Variants in HS6ST2 observed in about 807,000 individuals in gnomAD.
HS6ST2 encodes the protein heparan sulfate 6-O-sulfotransferase 2, also known as heparan-sulfate 6-O-sulfotransferase 2.
A neutral mutation model predicts 33.0 loss-of-function variants in HS6ST2; 17 were observed. That is an observed-to-expected ratio of 0.52 (90% CI 0.35 to 0.77). The LOEUF is 0.77. Ranked by LOEUF, HS6ST2 falls within the 30% of genes least tolerant of loss-of-function variation. The pLI is 0.01. For missense variants in HS6ST2, 519 were observed against 551.7 expected (o/e 0.94, Z 0.59); for synonymous variants, 248 against 237.1 (o/e 1.05, Z -0.42).
intron 2 of HS6ST2, among the ~76,000 whole-genome samples, chrX:132,778,427 TCTCA>T (rs1182894230): frequency 2.7e-5 from 3 of 111,306 alleles, no homozygotes; most frequent in Non-Finnish European, 5.6e-5. Context: ...TGAGATGGAG[TCTCA>T]CTCTGTTGCA....
intron 2 of HS6ST2, among the ~76,000 whole-genome samples, chrX:132,814,524 C>G (rs1285974945): frequency 1.8e-5 from 2 of 110,997 alleles, no homozygotes; most frequent in African/African-American, 6.6e-5. Context: ...TTTTGTTTTT[C>G]TTTTTCTTAG....
At position 132,628,883 on chromosome X, in the gene HS6ST2, G is replaced by C; in HGVS notation, c.1278C>G (p.Ala426=). ...KEFMDCPYNL[A]NNRQVRMLSD... ...AGAGCATGCGCACCTGGCGGTTGTTGGCTAGATTGTAGGGACAGTCCATAA... is the reference window on the plus strand; with the variant it reads ...AGAGCATGCGCACCTGGCGGTTGTTCGCTAGATTGTAGGGACAGTCCATAA... The change falls in exon 5 of 5, where the codon GCC becomes GCG. Residue 426 remains alanine (A), a synonymous_variant. Coordinates refer to ENST00000370833, the MANE Select transcript of HS6ST2 (RefSeq NM_001394073.1). The C allele has an allele frequency of 8.3e-7, 1 of 1,211,735 alleles. No individual in the cohort carries two copies. The highest frequency in any genetic ancestry group is 1.8e-5 in the South Asian group (1 of 56,973).
rs766319802 is a variant in HS6ST2 at position 132,742,120 on chromosome X, T to C, written c.948-33626A>G. 7.1e-5 allele frequency among the ~76,000 whole-genome samples: 8 copies of C among 111,953 alleles called. No homozygotes were observed. In the South Asian group the frequency reaches 3.0e-3, roughly 42 times the overall value. On this transcript the variant is annotated intron_variant, in intron 2 of 4. Transcript: ENST00000370833. ...AGTGCTGAGATGAAAAGGTCTTGTA[T>C]GGTCAGCCAGTGTGTGGAACCAGGC...
chrX:132,750,981 A>G (rs974990159), intron 2 of HS6ST2, among the ~76,000 whole-genome samples: 1 of 112,509 alleles, frequency 8.9e-6, no homozygotes, highest in Non-Finnish European at 1.9e-5. Context: ...TAACCAGGGG[A>G]TGAGGTGCAG....
rs764280543 is a variant in HS6ST2 at position 132,684,224 on chromosome X, CATAT to C, written c.981-15029_981-15026del. Among the ~76,000 whole-genome samples the C allele has an allele frequency of 6.8e-4, 64 of 94,500 alleles. 1 individual carries two copies. Among genetic ancestry groups the C allele is most frequent in the African/African-American group, 2.4e-3 (62 of 25,974 alleles). 82.1% of individuals were successfully genotyped at this position (94,500 alleles called of 115,157 possible). A position where few individuals can be genotyped will look rare whatever the true frequency, so the allele number is the denominator to read the frequency against. The stretch of plus-strand genomic sequence containing the variant: ...TCCACAGGACAGTGTCATATATATA[CATAT>C]ATATATATATATATACACACACACA... On this transcript the variant is annotated intron_variant, in intron 3 of 4. Transcript: ENST00000370833.
chrX:132,930,624 C>T (rs1316029656), intron 2 of HS6ST2, among the ~76,000 whole-genome samples: 2 of 111,159 alleles, frequency 1.8e-5, no homozygotes, highest in South Asian at 3.9e-4. Flanking sequence ...CTCCCCAAAC[C>T]TGAGACACCA....
intron 2 of HS6ST2, among the ~76,000 whole-genome samples, chrX:132,951,199 TA>T (rs1214773227): frequency 9.0e-6 from 1 of 111,285 alleles, no homozygotes; most frequent in Admixed American, 9.5e-5. Context: ...GACCTTTATT[TA>T]CTTTCATGGT....
intron 2 of HS6ST2, among the ~76,000 whole-genome samples, chrX:132,771,549 A>G (rs1214416221): frequency 8.9e-6 from 1 of 111,745 alleles, no homozygotes; most frequent in East Asian, 2.8e-4. Context: ...TGTTCGGCAT[A>G]TAACTTTAGA....
intron 2 of HS6ST2, among the ~76,000 whole-genome samples, chrX:132,879,278 C>A (rs976398127): frequency 9.0e-6 from 1 of 111,364 alleles, no homozygotes; most frequent in African/African-American, 3.3e-5. Context: ...CTAAGGTGTG[C>A]TAAGGTGAGC....
At chrX:132,808,145 T>A (rs2065303147) in intron 2 of HS6ST2, among the ~76,000 whole-genome samples, 1 of 111,222 alleles carries the variant, frequency 9.0e-6, no homozygotes, top group Non-Finnish European at 1.9e-5. Flanking sequence ...AATCACTATC[T>A]GAATAAGACA....
At chrX:132,638,162 A>T (rs1457515462) in intron 4 of HS6ST2, among the ~76,000 whole-genome samples, 2 of 104,322 alleles carry the variant, frequency 1.9e-5, no homozygotes, top group Non-Finnish European at 3.9e-5. Context: ...AACCACATGG[A>T]TCCTCCCATT....
intron 4 of HS6ST2, among the ~76,000 whole-genome samples, chrX:132,650,139 T>G (rs1366112331): frequency 9.0e-6 from 1 of 111,626 alleles, no homozygotes; most frequent in Non-Finnish European, 1.9e-5. Flanking sequence ...GACATGAATA[T>G]ACATGATAAA....
At chrX:132,914,788 C>A (rs2066568553) in intron 2 of HS6ST2, among the ~76,000 whole-genome samples, 1 of 112,206 alleles carries the variant, frequency 8.9e-6, no homozygotes, top group Non-Finnish European at 1.9e-5. Context: ...CTGAGCTGGG[C>A]TTGCTCTCTC....
chrX:132,720,931 G>A (rs765784118), intron 2 of HS6ST2, among the ~76,000 whole-genome samples: 4 of 111,329 alleles, frequency 3.6e-5, no homozygotes, highest in Non-Finnish European at 7.5e-5. Context: ...GATATATAAA[G>A]CAAATACCAT....
intron 2 of HS6ST2, among the ~76,000 whole-genome samples, chrX:132,927,045 A>C (rs1209862739): frequency 9.0e-6 from 1 of 111,444 alleles, no homozygotes; most frequent in Non-Finnish European, 1.9e-5. Context: ...AGTCTCCCCA[A>C]ATTCCACATG....
chrX:132,817,696 T>C (rs190681341), intron 2 of HS6ST2, among the ~76,000 whole-genome samples: 149 of 111,511 alleles, frequency 1.3e-3, no homozygotes, highest in Admixed American at 4.4e-3. Flanking sequence ...GCTGGAGATA[T>C]GCAAGTAAAT....
chrX:132,725,519 T>G (rs2064383577), intron 2 of HS6ST2, among the ~76,000 whole-genome samples: 1 of 112,141 alleles, frequency 8.9e-6, no homozygotes, highest in Non-Finnish European at 1.9e-5. Flanking sequence ...TAACAAATGC[T>G]GGCAAGAATG....
chrX:132,637,852 TATATATATAATATATTATATATAATA>T (rs1438751352), intron 4 of HS6ST2, among the ~76,000 whole-genome samples: 2 of 39,164 alleles, frequency 5.1e-5, no homozygotes, highest in African/African-American at 9.0e-4. Context: ...TTATATATAA[TATATATATAATATATTATATATAATA>T]TATATATAAT....
At chrX:132,837,347 G>A (rs2065654410) in intron 2 of HS6ST2, among the ~76,000 whole-genome samples, 2 of 110,573 alleles carry the variant, frequency 1.8e-5, no homozygotes, top group Admixed American at 9.7e-5. Context: ...GTGTGTGTGT[G>A]TGTGTGTGTG....
Sources: allele counts gnomAD v4.1 joint callset (sites outside exome capture counted in the v4.1 genomes callset), GRCh38; gene constraint gnomAD v4.1.1; transcripts MANE v1.5; gene names NCBI Gene and HGNC (gene_info 2026-07-23, HGNC 2026-07-21).